Variants in BRAF observed in about 807,000 individuals in gnomAD.
The protein encoded by BRAF is B-Raf proto-oncogene, serine/threonine kinase.
A neutral mutation model predicts 104.6 loss-of-function variants in BRAF; 16 were observed. That is an observed-to-expected ratio of 0.15 (90% CI 0.10 to 0.23). BRAF has a LOEUF of 0.23. Ranked by LOEUF, BRAF falls within the 10% of genes least tolerant of loss-of-function variation. The pLI, the probability that BRAF is intolerant of heterozygous loss-of-function variation, is 1.00. For synonymous variants in BRAF, 310 were observed against 341.6 expected, an observed-to-expected ratio of 0.91 and a Z score of 1.02; for missense variants, 541 against 937.3, an observed-to-expected ratio of 0.58 and a Z score of 5.52.
At chr7:140,800,082 C>A (rs2129043336) in intron 7 of BRAF, 2 of 459,086 alleles carry the variant, frequency 4.4e-6, no homozygotes, top group Non-Finnish European at 8.0e-6. Context: ...ACCAGGAGAT[C>A]CAAAAGAAAG....
At chr7:140,762,458 C>G (rs867145494) in intron 14 of BRAF, among the ~76,000 whole-genome samples, 69 of 152,064 alleles carry the variant, frequency 4.5e-4, no homozygotes, top group Middle Eastern at 3.4e-3. Context: ...AAATTGCCAC[C>G]CTAACATCAC....
At chr7:140,898,559 CTTTATTA>C (rs1363202484) in intron 1 of BRAF, among the ~76,000 whole-genome samples, 1 of 152,136 alleles carries the variant, frequency 6.6e-6, no homozygotes, top group Non-Finnish European at 1.5e-5. Flanking sequence ...TAAATTTTCC[CTTTATTA>C]TAAAGCTATG....
At chr7:140,874,232 T>C (rs948589558) in intron 1 of BRAF, among the ~76,000 whole-genome samples, 1 of 140,830 alleles carries the variant, frequency 7.1e-6, no homozygotes, top group Non-Finnish European at 1.5e-5. Context: ...TGAAATGGAG[T>C]CTCACTGTCG....
chr7:140,918,305 T>C (rs774501124), intron 1 of BRAF, among the ~76,000 whole-genome samples: 2 of 152,154 alleles, frequency 1.3e-5, no homozygotes. Flanking sequence ...CAGGATGAAA[T>C]TGTTCCACCT....
rs1201597101 is a variant in BRAF at position 140,723,461 on chromosome 7, T to C, written c.*3033A>G. ...CTCAAATACAATCAGGGGTGAGATA[T>C]TCGGGAACCAGAATTTGACAGCTAG... On this transcript the variant is annotated 3_prime_UTR_variant, in exon 20 of 20. Transcript: ENST00000644969. 7.6e-6 allele frequency: 8 copies of C among 1,054,332 alleles called. No homozygotes were observed. Among genetic ancestry groups the C allele is most frequent in the Non-Finnish European group, 9.2e-6 (8 of 872,724 alleles). The allele number at this position is 1,054,332 out of a possible 1,614,324, so 65.3% of individuals were successfully genotyped here.
At chr7:140,871,880 C>T (rs1483542319) in intron 1 of BRAF, among the ~76,000 whole-genome samples, 1 of 152,098 alleles carries the variant, frequency 6.6e-6, no homozygotes, top group African/African-American at 2.4e-5. Flanking sequence ...GTATATAGTG[C>T]TATTATGGAG....
chr7:140,787,396 G>T (rs1586161537), intron 9 of BRAF, 152 bp downstream of exon 9: 5 of 566,144 alleles, frequency 8.8e-6, no homozygotes, highest in South Asian at 2.1e-5. Context: ...AGAGGTAAAT[G>T]ACAAACACTA....
intron 1 of BRAF, among the ~76,000 whole-genome samples, chr7:140,907,859 C>T (rs1362796001): frequency 6.6e-6 from 1 of 152,142 alleles, no homozygotes; most frequent in Non-Finnish European, 1.5e-5. Flanking sequence ...ATTCTCCCAC[C>T]TCAGCCTCCT....
At chr7:140,847,588 A>AG in intron 2 of BRAF, among the ~76,000 whole-genome samples, 1 of 152,074 alleles carries the variant, frequency 6.6e-6, no homozygotes, top group East Asian at 1.9e-4. Context: ...CTCAGGAGGA[A>AG]AAAAAAAAAG....
At position 140,924,448 on chromosome 7, in the gene BRAF, C is replaced by T; in HGVS notation, c.138+118G>A. On this transcript the variant is annotated intron_variant, in intron 1 of 19. Coordinates refer to ENST00000644969, the MANE Select transcript of BRAF (RefSeq NM_001374258.1). The surrounding 1 kb of genome is among the most constrained non-coding windows in gnomAD (Gnocchi z 4.2). ...GATGCCCACCTCCCAGCCCGCGGAG[C>T]TGGCCCGAGAAGGTGGCTGAGGGCA... The T allele has an allele frequency of 7.0e-7, 1 of 1,436,150 alleles. No homozygotes were observed. Among genetic ancestry groups the T allele is most frequent in the South Asian group, 1.2e-5 (1 of 81,036 alleles). 89.0% of individuals were successfully genotyped at this position (1,436,150 alleles called of 1,614,324 possible). A position where few individuals can be genotyped will look rare whatever the true frequency, so the allele number is the denominator to read the frequency against.
At chr7:140,879,170 G>C (rs982583809) in intron 1 of BRAF, among the ~76,000 whole-genome samples, 16 of 151,994 alleles carry the variant, frequency 1.1e-4, no homozygotes, top group Non-Finnish European at 8.8e-5. Flanking sequence ...GAGCCACCAC[G>C]CCTGGCCATA....
intron 19 of BRAF, among the ~76,000 whole-genome samples, chr7:140,729,580 G>C (rs1795819003): frequency 6.6e-6 from 1 of 151,546 alleles, no homozygotes; most frequent in African/African-American, 2.4e-5. Flanking sequence ...TCAGCAGTTC[G>C]AGACCAGCCT....
chr7:140,749,395 T>C lies in BRAF; in HGVS notation c.2004A>G (p.Gln668=). The change falls in exon 17 of 20, where the codon CAA becomes CAG. Residue 668 remains glutamine, a synonymous_variant. Coordinates refer to ENST00000644969, the MANE Select transcript of BRAF (RefSeq NM_001374258.1). ...ACTGAAAGCTGTATGGATTTTTATC[T>C]TGCATTCTGATGACTTCTGGTGCCT... is the stretch of plus-strand genomic sequence containing the variant. ...LWMAPEVIRM[Q]DKNPYSFQSD... The C allele has an allele frequency of 6.2e-7, 1 of 1,613,168 alleles. No individual in the cohort carries two copies. The highest frequency in any genetic ancestry group is 8.5e-7 in the Non-Finnish European group (1 of 1,179,488).
intron 1 of BRAF, among the ~76,000 whole-genome samples, chr7:140,919,525 A>G (rs183407289): frequency 1.1e-3 from 164 of 152,252 alleles, no homozygotes; most frequent in African/African-American, 3.7e-3. Context: ...GTAGGGGGGA[A>G]AAATAATTGC....
chr7:140,921,221 G>A (rs1252691920), intron 1 of BRAF, among the ~76,000 whole-genome samples: 1 of 152,012 alleles, frequency 6.6e-6, no homozygotes, highest in African/African-American at 2.4e-5. Flanking sequence ...TATACCATAT[G>A]GTTAATTTAT....
At chr7:140,840,889 A>AT (rs1032823235) in intron 2 of BRAF, among the ~76,000 whole-genome samples, 3 of 151,104 alleles carry the variant, frequency 2.0e-5, no homozygotes, top group African/African-American at 7.3e-5. Flanking sequence ...TAATTTTTGT[A>AT]TTTTTTGTAG....
At chr7:140,781,467 T>C in intron 12 of BRAF, 109 bp downstream of exon 11, 1 of 1,110,346 alleles carries the variant, frequency 9.0e-7, no homozygotes, top group Non-Finnish European at 1.4e-6. Flanking sequence ...CAAAATAGTT[T>C]ATTGATGCGA....
At chr7:140,734,055 A>T in intron 19 of BRAF, 1 of 1,040,176 alleles carries the variant, frequency 9.6e-7, no homozygotes, top group Non-Finnish European at 1.2e-6. Context: ...GAAATAAAAG[A>T]CATCCACATT....
downstream of BRAF, among the ~76,000 whole-genome samples, chr7:140,714,548 T>G (rs1795096958): frequency 6.6e-6 from 1 of 152,160 alleles, no homozygotes; most frequent in African/African-American, 2.4e-5. Context: ...GTGTGTGTGT[T>G]GACAGAGAGT....
Sources: allele counts gnomAD v4.1 joint callset (sites outside exome capture counted in the v4.1 genomes callset), GRCh38; gene constraint gnomAD v4.1.1; non-coding constraint Gnocchi (gnomAD v3.1); transcripts MANE v1.5; gene names NCBI Gene and HGNC (gene_info 2026-07-23, HGNC 2026-07-21).